FBXL20: variants seen among roughly 807,000 people sequenced by gnomAD.
The protein encoded by FBXL20 is F-box and leucine rich repeat protein 20.
In FBXL20, 11 loss-of-function variants were observed where a neutral mutation model predicts 64.0. That is an observed-to-expected ratio of 0.17 (90% CI 0.11 to 0.28). The LOEUF (loss-of-function observed/expected upper bound fraction) is 0.28. Ranked by LOEUF, FBXL20 falls within the 10% of genes least tolerant of loss-of-function variation. The probability of loss-of-function intolerance (pLI) is 1.00; values close to 1 mark genes in which losing one functional copy is unlikely to be tolerated. For missense variants in FBXL20, 303 were observed against 526.2 expected (o/e 0.58, Z 4.15); for synonymous variants, 184 against 189.0 (o/e 0.97, Z 0.22).
intron 6 of FBXL20, among the ~76,000 whole-genome samples, chr17:39,291,541 C>T (rs1475254509): frequency 2.0e-5 from 3 of 147,298 alleles, no homozygotes; most frequent in Non-Finnish European, 3.0e-5. Flanking sequence ...TCAAGCGATT[C>T]TCCTGCCTCA....
intron 2 of FBXL20, among the ~76,000 whole-genome samples, chr17:39,333,096 G>A (rs2047478597): frequency 6.6e-6 from 1 of 151,856 alleles, no homozygotes; most frequent in South Asian, 2.1e-4. Context: ...AGTCACACCT[G>A]GCTCTCTACT....
intron 12 of FBXL20, among the ~76,000 whole-genome samples, chr17:39,267,241 A>T (rs1469532578): frequency 1.3e-5 from 2 of 151,696 alleles, no homozygotes; most frequent in African/African-American, 4.8e-5. Context: ...ACAGAGTGAG[A>T]CTCTGTCCTC....
intron 6 of FBXL20, among the ~76,000 whole-genome samples, chr17:39,291,325 T>C (rs559177741): frequency 1.1e-3 from 169 of 152,230 alleles, no homozygotes; most frequent in African/African-American, 4.0e-3. Flanking sequence ...AATTTACTTT[T>C]TTCTATTTTT....
chr17:39,378,224 C>T (rs113902882), intron 1 of FBXL20, among the ~76,000 whole-genome samples: 10 of 152,124 alleles, frequency 6.6e-5, no homozygotes. Context: ...ACTAAAATCA[C>T]GGTATGCATA....
At position 39,253,243 on chromosome 17, in the gene FBXL20, A is replaced by G. The variant is rs1158010580; in HGVS notation, c.*8217T>C. 1 of 152,318 alleles carries G rather than the reference A, an allele frequency of 6.6e-6. No homozygotes were observed. Among genetic ancestry groups the G allele is most frequent in the Non-Finnish European group, 1.5e-5 (1 of 68,074 alleles). 9.4% of individuals were successfully genotyped at this position (152,318 alleles called of 1,614,324 possible). ...TCTGACAGGCATGGGTAGTCCTCACAGTTCTCTGAGCTCTGCACAGGCCAC... is the reference window on the plus strand; with the variant it reads ...TCTGACAGGCATGGGTAGTCCTCACGGTTCTCTGAGCTCTGCACAGGCCAC... On this transcript the variant is annotated 3_prime_UTR_variant, in exon 15 of 15. Transcript: ENST00000264658.
At chr17:39,315,836 AGAGAGAGAGAGAGAGAG>A (rs2047284657) in intron 2 of FBXL20, among the ~76,000 whole-genome samples, 5 of 52,570 alleles carry the variant, frequency 9.5e-5, no homozygotes, top group Admixed American at 8.6e-4. Context: ...AGACAGAGAG[AGAGAGAGAGAGAGAGAG>A]AGAGAGAGAG....
At chr17:39,283,514 C>T (rs186659382) in intron 7 of FBXL20, among the ~76,000 whole-genome samples, 52 of 152,154 alleles carry the variant, frequency 3.4e-4, no homozygotes, top group African/African-American at 1.2e-3. Flanking sequence ...GGGCTCACTA[C>T]AGCTGTGACC....
chr17:39,269,922 C>T (rs1342967685), intron 11 of FBXL20, among the ~76,000 whole-genome samples: 2 of 152,226 alleles, frequency 1.3e-5, no homozygotes, highest in Admixed American at 6.5e-5. Context: ...AGGCTATGGC[C>T]TCCTTTAGTC....
In FBXL20 at chr17:39,307,090, G is replaced by T. The variant is rs111305308; in HGVS notation, c.105-3451C>A. Among the ~76,000 whole-genome samples the T allele has an allele frequency of 2.8e-4, 43 of 152,248 alleles. 1 individual carries two copies. Among genetic ancestry groups the T allele is most frequent in the Middle Eastern group, 3.4e-3 (1 of 294 alleles). ...ATGATGAGCAGTATCTGAAGCTGTG[G>T]TTATAATTTTTCAGCTTGCCTGAAA... On this transcript the variant is annotated intron_variant, in intron 2 of 14. Transcript: ENST00000264658.
chr17:39,387,207 G>A (rs539632035), intron 1 of FBXL20, among the ~76,000 whole-genome samples: 8 of 151,926 alleles, frequency 5.3e-5, no homozygotes, highest in East Asian at 3.9e-4. Context: ...GCAGACTAAC[G>A]GATTCTGAGC....
chr17:39,388,839 C>T (rs1417581155), intron 1 of FBXL20, among the ~76,000 whole-genome samples: 4 of 149,838 alleles, frequency 2.7e-5, no homozygotes, highest in African/African-American at 7.3e-5. Flanking sequence ...CAGTGGCTCA[C>T]GCCTGTAATC....
At chr17:39,269,287 G>C (rs958371563) in intron 11 of FBXL20, among the ~76,000 whole-genome samples, 1 of 151,834 alleles carries the variant, frequency 6.6e-6, no homozygotes. Flanking sequence ...TCTACCTCCC[G>C]GGTTCACGCC....
In FBXL20 at chr17:39,364,105, G is replaced by A. The variant is rs138618718; in HGVS notation, c.43-20864C>T. ...GGGTTTCACCATGTTGGCCAGGCTG[G>A]TCTCGAACTCCTGGCCTCAAGTGAT... On this transcript the variant is annotated intron_variant, in intron 1 of 14. Coordinates refer to ENST00000264658, the MANE Select transcript of FBXL20 (RefSeq NM_032875.3). 6.9e-4 allele frequency among the ~76,000 whole-genome samples: 105 copies of A among 151,968 alleles called. 1 individual carries two copies. The East Asian group carries it at 0.018, about 26-fold the overall frequency.
chr17:39,284,456 C>G (rs1022922688), intron 7 of FBXL20, among the ~76,000 whole-genome samples: 4 of 152,220 alleles, frequency 2.6e-5, no homozygotes, highest in Non-Finnish European at 4.4e-5. Context: ...TTACAGCTCA[C>G]TGCAGCCTCA....
upstream of FBXL20, chr17:39,402,494 G>A: frequency 3.0e-6 from 1 of 330,890 alleles, no homozygotes; most frequent in South Asian, 1.6e-4. Context: ...CGGGGGTGCA[G>A]GGCTGGAGCC....
At chr17:39,342,243 A>G (rs2047589696) in intron 2 of FBXL20, among the ~76,000 whole-genome samples, 1 of 152,042 alleles carries the variant, frequency 6.6e-6, no homozygotes, top group Admixed American at 6.6e-5. Context: ...AGAGTCAAGT[A>G]ATTTTCCTAA....
upstream of FBXL20, chr17:39,401,863 G>A (rs578024755): frequency 9.8e-6 from 4 of 408,014 alleles, no homozygotes; most frequent in African/African-American, 4.1e-5. Context: ...CGAGGCAGAC[G>A]AGCCCATCGG....
intron 6 of FBXL20, among the ~76,000 whole-genome samples, chr17:39,289,516 G>C (rs192405703): frequency 9.0e-4 from 137 of 152,100 alleles, no homozygotes; most frequent in African/African-American, 3.1e-3. Context: ...AATTAGCCAG[G>C]CATGGTGACA....
chr17:39,396,888 C>T (rs868818143), intron 1 of FBXL20, among the ~76,000 whole-genome samples: 7 of 148,644 alleles, frequency 4.7e-5, no homozygotes, highest in South Asian at 2.1e-4. Flanking sequence ...ACCTGGGAGG[C>T]GGAGTTTGCA....
Sources: gnomAD v4.1 joint callset for allele counts (sites outside exome capture counted in the v4.1 genomes callset) on GRCh38, gnomAD v4.1.1 for gene constraint, MANE v1.5 for transcripts, NCBI Gene and HGNC (gene_info 2026-07-23, HGNC 2026-07-21) for gene names.